PARL: variants seen among roughly 807,000 people sequenced by gnomAD.
The protein encoded by PARL is presenilin-associated rhomboid-like protein, mitochondrial.
A neutral mutation model predicts 51.6 loss-of-function variants in PARL; 44 were observed. The observed-to-expected ratio is 0.85, with a 90% CI of 0.67 to 1.10. PARL has a LOEUF of 1.10. PARL is among the 50% of genes least tolerant of loss of function. The pLI is 0.00. For missense variants in PARL, 441 were observed against 469.5 expected, an observed-to-expected ratio of 0.94 and a Z score of 0.56; for synonymous variants, 172 against 164.0, an observed-to-expected ratio of 1.05 and a Z score of -0.37.
intron 1 of PARL, among the ~76,000 whole-genome samples, chr3:183,872,899 A>C (rs1190590178): frequency 6.6e-6 from 1 of 152,194 alleles, no homozygotes; most frequent in Non-Finnish European, 1.5e-5. Flanking sequence ...GGATTCAGAC[A>C]CTAACCTTGA....
intron 4 of PARL, among the ~76,000 whole-genome samples, chr3:183,855,378 C>T (rs73177531): frequency 3.3e-5 from 5 of 152,242 alleles, no homozygotes; most frequent in South Asian, 2.1e-4. Flanking sequence ...CCTCTGACCT[C>T]GGCCTCCTAA....
intron 1 of PARL, chr3:183,879,718 C>T (rs1357700882): frequency 1.0e-6 from 1 of 979,160 alleles, no homozygotes; most frequent in Non-Finnish European, 1.2e-6. Context: ...TTTTAAATTT[C>T]CTTTTTTTGG....
intron 1 of PARL, among the ~76,000 whole-genome samples, chr3:183,880,815 A>AT (rs1262089632): frequency 3.3e-5 from 5 of 151,804 alleles, no homozygotes; most frequent in Admixed American, 3.3e-4. Flanking sequence ...TTGGTTTTTT[A>AT]TTTTTTGGGT....
intron 4 of PARL, among the ~76,000 whole-genome samples, chr3:183,858,323 G>C (rs1731397556): frequency 1.3e-5 from 2 of 152,044 alleles, no homozygotes; most frequent in Non-Finnish European, 2.9e-5. Context: ...AGGAGAGAGA[G>C]AACTGAAATG....
intron 5 of PARL, chr3:183,843,163 T>C (rs1729546485): frequency 2.1e-6 from 2 of 973,610 alleles, no homozygotes; most frequent in East Asian, 1.1e-4. Context: ...GGATTATAGA[T>C]GTGAGTCACT....
intron 4 of PARL, among the ~76,000 whole-genome samples, chr3:183,861,685 T>G (rs1403531178): frequency 6.6e-6 from 1 of 152,156 alleles, no homozygotes; most frequent in Non-Finnish European, 1.5e-5. Flanking sequence ...TCTAATCAAT[T>G]AGACTTTAAG....
intron 7 of PARL, among the ~76,000 whole-genome samples, chr3:183,834,886 C>CA (rs60078452): frequency 0.041 from 4,417 of 108,476 alleles, 203 homozygotes; most frequent in African/African-American, 0.12. Context: ...ACTAAAAATA[C>CA]AAAAAAAAAA....
At chr3:183,867,508 G>A (rs545110715) in intron 2 of PARL, among the ~76,000 whole-genome samples, 1 of 152,130 alleles carries the variant, frequency 6.6e-6, no homozygotes, top group Non-Finnish European at 1.5e-5. Context: ...AGACCATCCT[G>A]GCTAACAAGG....
At chr3:183,876,333 C>G (rs1276074491) in intron 1 of PARL, among the ~76,000 whole-genome samples, 1 of 152,124 alleles carries the variant, frequency 6.6e-6, no homozygotes, top group Non-Finnish European at 1.5e-5. Context: ...AGGCGCAATC[C>G]ACTGTGCCCA....
chr3:183,833,428 G>A, intron 9 of PARL, 64 bp downstream of exon 9: 1 of 969,932 alleles, frequency 1.0e-6, no homozygotes, highest in Non-Finnish European at 1.7e-6. Flanking sequence ...TAGGGGTGAG[G>A]CTGGGGTAGG....
intron 1 of PARL, among the ~76,000 whole-genome samples, chr3:183,872,100 C>T (rs570807659): frequency 2.8e-4 from 43 of 151,276 alleles, no homozygotes; most frequent in Non-Finnish European, 4.9e-4. Flanking sequence ...TTCCCAGGTA[C>T]GAGCGATTCT....
chr3:183,835,900 G>A (rs1298842930), intron 7 of PARL, among the ~76,000 whole-genome samples: 1 of 151,834 alleles, frequency 6.6e-6, no homozygotes, highest in Non-Finnish European at 1.5e-5. Flanking sequence ...AATTTGATTA[G>A]TTGATATGAA....
intron 3 of PARL, among the ~76,000 whole-genome samples, chr3:183,863,277 C>T (rs1732054354): frequency 6.6e-6 from 1 of 151,776 alleles, no homozygotes. Context: ...GAGGAGGGTC[C>T]TAATTTTTCA....
Position 183,840,792 on chromosome 3 carries a change from T to C in PARL, c.758-152A>G, listed in dbSNP as rs1186195696. On this transcript the variant is annotated intron_variant, in intron 6 of 9. Coordinates refer to ENST00000317096, the MANE Select transcript of PARL (RefSeq NM_018622.7). ...GGTACAATTTTGGCTCACTGCAACCTGTGCCTACCGGGTTCAAGTTATTCT... is the reference window on the plus strand; with the variant it reads ...GGTACAATTTTGGCTCACTGCAACCCGTGCCTACCGGGTTCAAGTTATTCT... The C allele has an allele frequency of 1.0e-5, 6 of 583,644 alleles. No individual in the cohort carries two copies. In the East Asian group the frequency reaches 1.8e-4, roughly 17 times the overall value. 36.2% of individuals were successfully genotyped at this position (583,644 alleles called of 1,614,324 possible).
intron 7 of PARL, among the ~76,000 whole-genome samples, chr3:183,835,798 G>A (rs1422854858): frequency 6.6e-6 from 1 of 152,074 alleles, no homozygotes; most frequent in Non-Finnish European, 1.5e-5. Context: ...TTGAGCCACT[G>A]TACTCCAGCC....
chr3:183,835,728 G>A (rs1458476843), intron 7 of PARL, among the ~76,000 whole-genome samples: 2 of 151,970 alleles, frequency 1.3e-5, no homozygotes, highest in African/African-American at 2.4e-5. Context: ...TTAGCCAGAC[G>A]TGGTGGTGGG....
At chr3:183,852,415 G>A (rs1427090494) in intron 4 of PARL, among the ~76,000 whole-genome samples, 2 of 152,118 alleles carry the variant, frequency 1.3e-5, no homozygotes, top group African/African-American at 4.8e-5. Flanking sequence ...AAAAAATTAT[G>A]GTTCCACTTA....
At chr3:183,839,513 G>A (rs1729042548) in intron 7 of PARL, among the ~76,000 whole-genome samples, 1 of 151,922 alleles carries the variant, frequency 6.6e-6, no homozygotes, top group Non-Finnish European at 1.5e-5. Context: ...CTACCCGCTG[G>A]GTTCAAGTAA....
intron 7 of PARL, among the ~76,000 whole-genome samples, chr3:183,838,932 T>C (rs1728977399): frequency 6.6e-6 from 1 of 152,234 alleles, no homozygotes; most frequent in Admixed American, 6.5e-5. Flanking sequence ...GTGTATTAGA[T>C]GTGTGTATGT....
Sources: gnomAD v4.1 joint callset for allele counts (sites outside exome capture counted in the v4.1 genomes callset) on GRCh38, gnomAD v4.1.1 for gene constraint, MANE v1.5 for transcripts, NCBI Gene and HGNC (gene_info 2026-07-23, HGNC 2026-07-21) for gene names.